The following CFAP43 variants were observed in gnomAD, a reference collection of about 807,000 sequenced individuals.
CFAP43 encodes cilia and flagella associated protein 43, also known as cilia- and flagella-associated protein 43.
In CFAP43, 155 loss-of-function variants were observed where a neutral mutation model predicts 218.9. The observed-to-expected ratio is 0.71, with a 90% confidence interval of 0.62 to 0.81. The LOEUF (loss-of-function observed/expected upper bound fraction) is 0.81, where lower values mean the gene tolerates loss of function less well. CFAP43 is among the 30% of genes least tolerant of loss of function. The pLI, the probability that CFAP43 is intolerant of heterozygous loss-of-function variation, is 0.00. For missense variants in CFAP43, 1,778 were observed against 1,954.3 expected (o/e 0.91, Z 1.70); for synonymous variants, 645 against 681.3 (o/e 0.95, Z 0.83).
chr10:104,169,940 C>G (rs995967232), intron 20 of CFAP43, among the ~76,000 whole-genome samples: 2 of 152,042 alleles, frequency 1.3e-5, no homozygotes, highest in African/African-American at 4.8e-5. Flanking sequence ...AATAATGTGT[C>G]CAGATTGTCA....
intron 10 of CFAP43, among the ~76,000 whole-genome samples, chr10:104,194,272 T>C (rs887395009): frequency 6.6e-6 from 1 of 152,192 alleles, no homozygotes; most frequent in Non-Finnish European, 1.5e-5. Flanking sequence ...GAAATTGAAA[T>C]CATGGCTTCA....
At chr10:104,219,098 C>T (rs1249740125) in intron 3 of CFAP43, among the ~76,000 whole-genome samples, 1 of 151,984 alleles carries the variant, frequency 6.6e-6, no homozygotes. Context: ...GTTTGTCCCC[C>T]AGCTCATCTT....
intron 1 of CFAP43, 150 bp from the exon 2 acceptor site, chr10:104,230,993 G>T: frequency 2.3e-6 from 2 of 867,108 alleles, no homozygotes; most frequent in East Asian, 2.8e-5. Context: ...CACACATGCT[G>T]GCTGTGAGAT....
At chr10:104,153,909 C>A (rs917830213) in intron 27 of CFAP43, among the ~76,000 whole-genome samples, 1 of 150,888 alleles carries the variant, frequency 6.6e-6, no homozygotes, top group Admixed American at 6.6e-5. Flanking sequence ...TGTAGAATGT[C>A]ATTCAGTTTA....
rs551215415 is a variant in CFAP43 at position 104,207,759 on chromosome 10, C to T, written c.801G>A (p.Leu267=). 25 of 1,614,166 alleles carry T rather than the reference C, an allele frequency of 1.5e-5. No individual in the cohort carries two copies. In the South Asian group the frequency reaches 2.3e-4, roughly 15 times the overall value. ...TMHCWTPTSD[L]YIGCEEGHLL... ...GATGACCCTCTTCACAGCCAATGTA[C>T]AAGTCACTTGTTGGAGTCCAGCAAT... Residue 267 remains leucine (L), a synonymous_variant, in exon 6 of 38, where the codon TTG becomes TTA. Transcript: ENST00000357060.
chr10:104,135,696 C>T (rs1196621379), intron 34 of CFAP43, among the ~76,000 whole-genome samples: 2 of 152,018 alleles, frequency 1.3e-5, no homozygotes, highest in Non-Finnish European at 2.9e-5. Flanking sequence ...AAGAAACCTA[C>T]AAAATATTAC....
chr10:104,210,922 C>T (rs1453255090), intron 5 of CFAP43, among the ~76,000 whole-genome samples: 2 of 150,904 alleles, frequency 1.3e-5, no homozygotes, highest in Non-Finnish European at 2.9e-5. Context: ...TCCCAAGTAG[C>T]TGGGATTACA....
intron 29 of CFAP43, 46 bp downstream of exon 29, chr10:104,147,845 G>A (rs1331702755): frequency 7.3e-7 from 1 of 1,362,552 alleles, no homozygotes; most frequent in African/African-American, 1.5e-5. Context: ...TGAGGGGCAT[G>A]TCTATCAGAA....
At chr10:104,211,250 AC>A (rs1307033044) in intron 5 of CFAP43, among the ~76,000 whole-genome samples, 1 of 152,146 alleles carries the variant, frequency 6.6e-6, no homozygotes, top group Non-Finnish European at 1.5e-5. Context: ...GATAATTATT[AC>A]AAAAGAACAA....
chr10:104,203,697 G>C lies in CFAP43; in HGVS notation c.1070C>G (p.Thr357Arg), dbSNP rs953430757. 1 of 1,609,986 alleles carries C rather than the reference G, an allele frequency of 6.2e-7. No individual in the cohort carries two copies. Among genetic ancestry groups the C allele is most frequent in the South Asian group, 1.1e-5 (1 of 89,758 alleles). The part of the protein sequence containing the change: ...VEHMTFSPNY[T>R]VLLIQTDKGS... ...CTTGTCTGTTTGAATCAGCAACACT[G>C]TATAATTGGGAGAAAATGTCATATG... is the stretch of plus-strand genomic sequence containing the variant. Residue 357 changes from threonine (T) to arginine (R), a missense_variant, in exon 8 of 38, where the codon ACA becomes AGA. Thr to Arg is a moderately conservative substitution (Grantham distance 71, BLOSUM62 -1). Coordinates refer to ENST00000357060, the MANE Select transcript of CFAP43 (RefSeq NM_025145.7).
At chr10:104,204,556 A>G (rs761750977) in intron 7 of CFAP43, among the ~76,000 whole-genome samples, 1 of 152,138 alleles carries the variant, frequency 6.6e-6, no homozygotes, top group Non-Finnish European at 1.5e-5. Flanking sequence ...ATTCTCCATC[A>G]CTCACCAGAG....
intron 3 of CFAP43, among the ~76,000 whole-genome samples, chr10:104,217,244 G>A (rs1460292588): frequency 6.6e-6 from 1 of 152,182 alleles, no homozygotes; most frequent in Non-Finnish European, 1.5e-5. Flanking sequence ...AGCTGGCTGT[G>A]GCTTATGGCC....
Position 104,179,202 on chromosome 10 carries a change from C to G in CFAP43, c.2383-96G>C. The G allele has an allele frequency of 3.7e-6, 4 of 1,077,874 alleles. No homozygotes were observed. In the South Asian group the frequency reaches 6.0e-5, roughly 16 times the overall value. The allele number at this position is 1,077,874 out of a possible 1,614,324, so 66.8% of individuals were successfully genotyped here. A position where few individuals can be genotyped will look rare whatever the true frequency, so the allele number is the denominator to read the frequency against. On this transcript the variant is annotated intron_variant, in intron 18 of 37. Coordinates refer to ENST00000357060, the MANE Select transcript of CFAP43 (RefSeq NM_025145.7). ...GAGAGCAATTCTCTAGAAACAGAAA[C>G]TAAAATTTGTAAAGACTAATATAAA...
rs771670063 is a variant in CFAP43 at position 104,135,471 on chromosome 10, T to G, written c.4432-1687A>C. ...TCACAGATTAATGAGTCTATATATA[T>G]AGAGAAAGTCATATAGAATCCACAA... On this transcript the variant is annotated intron_variant, in intron 34 of 37. Coordinates refer to ENST00000357060, the MANE Select transcript of CFAP43 (RefSeq NM_025145.7). Among the ~76,000 whole-genome samples the G allele has an allele frequency of 5.9e-5, 9 of 152,216 alleles. No individual in the cohort carries two copies. In the East Asian group the frequency reaches 7.7e-4, roughly 13 times the overall value.
At chr10:104,227,068 T>C (rs1193939576) in intron 2 of CFAP43, among the ~76,000 whole-genome samples, 1 of 152,190 alleles carries the variant, frequency 6.6e-6, no homozygotes, top group Admixed American at 6.5e-5. Context: ...AATTGGATCA[T>C]AGTGTTGCCT....
At chr10:104,223,607 A>G (rs2135004330) in intron 3 of CFAP43, among the ~76,000 whole-genome samples, 1 of 152,336 alleles carries the variant, frequency 6.6e-6, no homozygotes, top group South Asian at 2.1e-4. Context: ...GCTCTTAGTA[A>G]GGACAATTGG....
chr10:104,161,871 A>C (rs1451849879), intron 26 of CFAP43, 90 bp downstream of exon 26: 2 of 1,237,602 alleles, frequency 1.6e-6, no homozygotes, highest in Non-Finnish European at 2.3e-6. Context: ...GAACTTCTAA[A>C]ACCCAGGTTT....
At chr10:104,145,241 C>A (rs1422040008) in intron 31 of CFAP43, among the ~76,000 whole-genome samples, 2 of 152,244 alleles carry the variant, frequency 1.3e-5, no homozygotes, top group African/African-American at 4.8e-5. Flanking sequence ...ACCGTGCTTA[C>A]ACAGATCCTT....
At chr10:104,219,677 A>G (rs962093830) in intron 3 of CFAP43, among the ~76,000 whole-genome samples, 3 of 152,168 alleles carry the variant, frequency 2.0e-5, no homozygotes, top group African/African-American at 7.2e-5. Flanking sequence ...TCTCAAAAGC[A>G]TCCTGATTTG....
Sources: allele counts gnomAD v4.1 joint callset (sites outside exome capture counted in the v4.1 genomes callset), GRCh38; gene constraint gnomAD v4.1.1; transcripts MANE v1.5; gene names NCBI Gene and HGNC (gene_info 2026-07-23, HGNC 2026-07-21).